Variants in TANK observed in about 807,000 individuals in gnomAD.
TANK encodes TRAF family member associated NFKB activator.
A neutral mutation model predicts 43.6 loss-of-function variants in TANK; 15 were observed. That is an observed-to-expected ratio of 0.34 (90% CI 0.23 to 0.53). The LOEUF (loss-of-function observed/expected upper bound fraction) is 0.53, where lower values mean the gene tolerates loss of function less well. TANK is among the 20% of genes least tolerant of loss of function. The probability of loss-of-function intolerance (pLI) is 0.94; values close to 1 mark genes in which losing one functional copy is unlikely to be tolerated. For synonymous variants in TANK, 162 were observed against 178.2 expected, an observed-to-expected ratio of 0.91 and a Z score of 0.73; for missense variants, 417 against 498.6, an observed-to-expected ratio of 0.84 and a Z score of 1.56.
At chr2:161,179,376 G>A (rs2278091) in intron 1 of TANK, 17,925 of 391,862 alleles carry the variant, frequency 0.046, 879 homozygotes, top group East Asian at 0.19. Context: ...TCTCAAAGTA[G>A]CATCTTCCTG....
At chr2:161,146,487 G>A (rs1683913483) in intron 1 of TANK, among the ~76,000 whole-genome samples, 1 of 152,148 alleles carries the variant, frequency 6.6e-6, no homozygotes, top group Non-Finnish European at 1.5e-5. Flanking sequence ...GCTGACCCTT[G>A]GATGGGGTTT....
chr2:161,160,956 C>T (rs1684400731), intron 1 of TANK: 1 of 428,480 alleles, frequency 2.3e-6, no homozygotes, highest in Non-Finnish European at 4.5e-6. Context: ...AAGGTGGTTG[C>T]ACAATTCCCC....
intron 2 of TANK, among the ~76,000 whole-genome samples, chr2:161,195,645 GA>G (rs1686111649): frequency 6.6e-6 from 1 of 152,110 alleles, no homozygotes; most frequent in Admixed American, 6.5e-5. Context: ...GGACAAGGGT[GA>G]GGGGTAGGGA....
intron 1 of TANK, among the ~76,000 whole-genome samples, chr2:161,147,764 C>A (rs1044188170): frequency 6.6e-6 from 1 of 151,910 alleles, no homozygotes; most frequent in East Asian, 1.9e-4. Context: ...CCATCATGTC[C>A]TCACCTGTGA....
intron 4 of TANK, among the ~76,000 whole-genome samples, chr2:161,206,194 T>C (rs1337657474): frequency 1.3e-5 from 2 of 152,100 alleles, no homozygotes; most frequent in South Asian, 2.1e-4. Context: ...ACTTGTTAAC[T>C]CAGTAGTATA....
chr2:161,205,033 A>G (rs1425040828), intron 4 of TANK: 2 of 1,156,292 alleles, frequency 1.7e-6, no homozygotes, highest in Non-Finnish European at 2.2e-6. Flanking sequence ...AACATTTAAC[A>G]AAGAAATAGG....
chr2:161,145,515 T>G (rs1028548431), intron 1 of TANK, among the ~76,000 whole-genome samples: 18 of 151,914 alleles, frequency 1.2e-4, no homozygotes, highest in African/African-American at 4.4e-4. Flanking sequence ...CAGGAACTCT[T>G]GCAAGACAGG....
chr2:161,220,264 G>C (rs1206896235), intron 4 of TANK, among the ~76,000 whole-genome samples: 2 of 152,154 alleles, frequency 1.3e-5, no homozygotes, highest in Non-Finnish European at 2.9e-5. Flanking sequence ...ACATATGAGA[G>C]AATATACATC....
intron 7 of TANK, among the ~76,000 whole-genome samples, chr2:161,234,672 G>A (rs1158678482): frequency 2.0e-5 from 3 of 152,176 alleles, no homozygotes; most frequent in Non-Finnish European, 2.9e-5. Flanking sequence ...AATGAGTAAG[G>A]CCAAACTACC....
At chr2:161,212,641 G>A (rs1686942412) in intron 4 of TANK, 1 of 985,378 alleles carries the variant, frequency 1.0e-6, no homozygotes, top group Non-Finnish European at 1.2e-6. Context: ...AATGTCTCTA[G>A]TATGGCTTTT....
At chr2:161,161,457 C>T (rs1368068463) in intron 1 of TANK, 6 of 1,548,286 alleles carry the variant, frequency 3.9e-6, no homozygotes, top group South Asian at 1.2e-5. Context: ...ATTATTGTGT[C>T]CTCATTTGAG....
chr2:161,218,726 G>A (rs1687222804), intron 4 of TANK, among the ~76,000 whole-genome samples: 1 of 152,156 alleles, frequency 6.6e-6, no homozygotes, highest in South Asian at 2.1e-4. Context: ...TTAAATAATA[G>A]CTATTTTCAA....
intron 1 of TANK, among the ~76,000 whole-genome samples, chr2:161,165,039 CTTTTTTT>C (rs11314845): frequency 3.1e-5 from 3 of 97,706 alleles, no homozygotes; most frequent in Non-Finnish European, 6.4e-5. Flanking sequence ...AACACCAATA[CTTTTTTT>C]TTTTTTTTTT....
At chr2:161,227,733 T>C (rs1687702392) in intron 6 of TANK, among the ~76,000 whole-genome samples, 1 of 152,230 alleles carries the variant, frequency 6.6e-6, no homozygotes, top group African/African-American at 2.4e-5. Flanking sequence ...TCTTCGGGTG[T>C]TACAGAATCT....
At position 161,205,396 on chromosome 2, in the gene TANK, G is replaced by GTA. The variant is rs1319093937; in HGVS notation, c.327+612_327+613dup. Among the ~76,000 whole-genome samples the GTA allele has an allele frequency of 6.6e-5, 10 of 151,970 alleles. No homozygotes were observed. In the East Asian group the frequency reaches 1.9e-3, roughly 29 times the overall value. On this transcript the variant is annotated intron_variant, in intron 4 of 7. Coordinates refer to ENST00000392749, the MANE Select transcript of TANK (RefSeq NM_001199135.3). ...ATATGTGTGTGTGTGGTGTGTGTGTGTATATATATAAACAATGAAATAAAA... is the reference window on the plus strand; with the variant it reads ...ATATGTGTGTGTGTGGTGTGTGTGTGTATATATATATAAACAATGAAATAAAA...
intron 1 of TANK, among the ~76,000 whole-genome samples, chr2:161,142,247 T>G (rs1683770474): frequency 6.6e-6 from 1 of 152,206 alleles, no homozygotes; most frequent in African/African-American, 2.4e-5. Context: ...ATGGGTAGAT[T>G]GCAAAAATTT....
At chr2:161,149,688 G>C (rs1684016880) in intron 1 of TANK, among the ~76,000 whole-genome samples, 1 of 151,500 alleles carries the variant, frequency 6.6e-6, no homozygotes, top group South Asian at 2.1e-4. Context: ...AGGAATCATG[G>C]AAGGGTGTTG....
intron 1 of TANK, chr2:161,163,398 G>C (rs981226054): frequency 5.3e-5 from 8 of 151,924 alleles, no homozygotes; most frequent in African/African-American, 1.9e-4. Flanking sequence ...TACTGATGCT[G>C]GTTATTTCCC....
intron 2 of TANK, among the ~76,000 whole-genome samples, chr2:161,184,896 G>A (rs1396408997): frequency 6.6e-6 from 1 of 152,194 alleles, no homozygotes; most frequent in African/African-American, 2.4e-5. Context: ...GAATTGGAAA[G>A]TGTAGATATG....
Sources: gnomAD v4.1 joint callset for allele counts (sites outside exome capture counted in the v4.1 genomes callset) on GRCh38, gnomAD v4.1.1 for gene constraint, MANE v1.5 for transcripts, NCBI Gene and HGNC (gene_info 2026-07-23, HGNC 2026-07-21) for gene names.